SYN3: variants seen among roughly 807,000 people sequenced by gnomAD.
SYN3 encodes synapsin-3.
SYN3 carries 35 observed loss-of-function variants against 65.8 expected under a neutral mutation model. The ratio of observed to expected loss-of-function variants is 0.53; its 90% CI spans 0.41 to 0.70. SYN3 has a LOEUF of 0.70. Ranked by LOEUF, SYN3 falls within the 30% of genes least tolerant of loss-of-function variation. SYN3 has a pLI of 0.00. For missense variants in SYN3, 680 were observed against 749.0 expected (o/e 0.91, Z 1.08); for synonymous variants, 270 against 292.9 (o/e 0.92, Z 0.80).
At chr22:32,812,143 G>A (rs2046932546) in intron 6 of SYN3, among the ~76,000 whole-genome samples, 2 of 152,314 alleles carry the variant, frequency 1.3e-5, no homozygotes, top group Middle Eastern at 6.8e-3. Context: ...TCTATGTGGT[G>A]TGTATTTCAC....
chr22:33,031,809 C>G (rs542293850), intron 1 of SYN3, among the ~76,000 whole-genome samples: 7 of 152,232 alleles, frequency 4.6e-5, no homozygotes, highest in African/African-American at 1.7e-4. Context: ...CCAGAGAAAC[C>G]TGAAAAACTG....
At chr22:32,695,541 C>G (rs1426663718) in intron 6 of SYN3, among the ~76,000 whole-genome samples, 1 of 152,196 alleles carries the variant, frequency 6.6e-6, no homozygotes. Flanking sequence ...TTGAAGCATT[C>G]CCATGAGTAT....
rs561270348 is a variant in SYN3, at chr22:32,864,904, A to G, written c.711+11T>C. On this transcript the variant is annotated intron_variant, in intron 6 of 13. Transcript: ENST00000358763. Reference sequence around the variant, plus strand: ...ATCATGCAAAGAAACAGAGTAAAAAAGGGCACTCACCATTGGCTTATGGTT... The same window carrying G: ...ATCATGCAAAGAAACAGAGTAAAAAGGGGCACTCACCATTGGCTTATGGTT... 20 of 1,611,420 alleles carry G rather than the reference A, an allele frequency of 1.2e-5. No individual in the cohort carries two copies. The African/African-American group carries it at 2.4e-4, about 19-fold the overall frequency.
At chr22:32,872,722 CTG>C (rs1463787631) in intron 4 of SYN3, among the ~76,000 whole-genome samples, 2 of 152,154 alleles carry the variant, frequency 1.3e-5, no homozygotes, top group Non-Finnish European at 2.9e-5. Flanking sequence ...GTTCCTCCCT[CTG>C]TACCCAGCAC....
At chr22:32,963,170 G>C (rs201993341) in intron 3 of SYN3, among the ~76,000 whole-genome samples, 3 of 150,280 alleles carry the variant, frequency 2.0e-5, no homozygotes, top group Non-Finnish European at 4.4e-5. Context: ...TCTGCCTCTC[G>C]GGTTCAAGCC....
intron 4 of SYN3, among the ~76,000 whole-genome samples, chr22:32,916,639 G>A (rs2050193321): frequency 6.6e-6 from 1 of 152,314 alleles, no homozygotes; most frequent in East Asian, 1.9e-4. Context: ...AGTGGGGTCT[G>A]TAGACCCCTG....
In SYN3 at chr22:32,509,719, C is replaced by T. The variant is rs2057671132; in HGVS notation, c.*3973G>A. 6.6e-6 allele frequency among the ~76,000 whole-genome samples: 1 copy of T among 151,982 alleles called. No homozygotes were observed. The highest frequency in any genetic ancestry group is 1.5e-5 in the Non-Finnish European group (1 of 68,014). ...TAGTAGCTGGGACTACAGGCGCCCG[C>T]TACCACGCCCGGCTAATTTTTTATA... On this transcript the variant is annotated 3_prime_UTR_variant, in exon 14 of 14. Coordinates refer to ENST00000358763, the MANE Select transcript of SYN3 (RefSeq NM_003490.4).
intron 6 of SYN3, among the ~76,000 whole-genome samples, chr22:32,678,646 T>C (rs2060480880): frequency 6.6e-6 from 1 of 150,608 alleles, no homozygotes; most frequent in African/African-American, 2.5e-5. Context: ...TTTCTCCTTC[T>C]CCTTCTCCAT....
At chr22:32,737,495 G>A (rs1161290035) in intron 6 of SYN3, among the ~76,000 whole-genome samples, 1 of 151,716 alleles carries the variant, frequency 6.6e-6, no homozygotes, top group Non-Finnish European at 1.5e-5. Flanking sequence ...GCCCCGGTGG[G>A]TGATGTTCCC....
chr22:32,814,163 A>G (rs1157985684), intron 6 of SYN3, among the ~76,000 whole-genome samples: 5 of 124,426 alleles, frequency 4.0e-5, no homozygotes, highest in Non-Finnish European at 6.6e-5. Flanking sequence ...AGAGAGAGAG[A>G]GAGAAAGAGA....
At chr22:32,625,645 A>T (rs2059655578) in intron 6 of SYN3, among the ~76,000 whole-genome samples, 1 of 152,204 alleles carries the variant, frequency 6.6e-6, no homozygotes, top group African/African-American at 2.4e-5. Flanking sequence ...TCACAGGGAC[A>T]GTCATTGGTT....
intron 12 of SYN3, among the ~76,000 whole-genome samples, chr22:32,522,145 C>G (rs1435762398): frequency 6.6e-6 from 1 of 152,190 alleles, no homozygotes; most frequent in Non-Finnish European, 1.5e-5. Flanking sequence ...TTCACTTTTA[C>G]TGAGTTGAAA....
intron 6 of SYN3, among the ~76,000 whole-genome samples, chr22:32,644,972 G>A (rs1038764976): frequency 3.3e-5 from 5 of 152,118 alleles, no homozygotes; most frequent in Admixed American, 1.3e-4. Context: ...GAATGATGTC[G>A]TAGCAGGAAG....
Position 32,965,543 on chromosome 22 carries a change from C to CGTGT in SYN3, c.369+15098_369+15101dup, listed in dbSNP as rs10602672. Among the ~76,000 whole-genome samples, 1,098 of 147,330 alleles carry CGTGT rather than the reference C, an allele frequency of 7.5e-3. 5 individuals are homozygous for CGTGT. Among genetic ancestry groups the CGTGT allele is most frequent in the African/African-American group, 0.011 (429 of 39,682 alleles). On this transcript the variant is annotated intron_variant, in intron 3 of 13. Coordinates refer to ENST00000358763, the MANE Select transcript of SYN3 (RefSeq NM_003490.4). Reference sequence around the variant, plus strand: ...TAACAGTTTGTAATTATGGTGCGTACGTGTGTGTGTGTGTGTGTGTGTGTG... The same window carrying CGTGT: ...TAACAGTTTGTAATTATGGTGCGTACGTGTGTGTGTGTGTGTGTGTGTGTGTGTG...
chr22:32,678,567 TTCC>T (rs1392959459), intron 6 of SYN3, among the ~76,000 whole-genome samples: 2 of 151,234 alleles, frequency 1.3e-5, no homozygotes, highest in Non-Finnish European at 1.5e-5. Context: ...CTCCTCCTCC[TTCC>T]TCCTCCTCTC....
chr22:32,594,602 C>T (rs8136793), intron 7 of SYN3, among the ~76,000 whole-genome samples: 9,015 of 152,092 alleles, frequency 0.059, 302 homozygotes, highest in Non-Finnish European at 0.072. Flanking sequence ...ATTCTCCTGC[C>T]GCAGCTTTCC....
At chr22:32,750,321 T>C (rs1187260881) in intron 6 of SYN3, among the ~76,000 whole-genome samples, 1 of 152,162 alleles carries the variant, frequency 6.6e-6, no homozygotes, top group Non-Finnish European at 1.5e-5. Flanking sequence ...TGGGACGGAA[T>C]CATATGAACA....
chr22:32,692,514 G>A (rs1159659113), intron 6 of SYN3, among the ~76,000 whole-genome samples: 25 of 152,196 alleles, frequency 1.6e-4, no homozygotes, highest in East Asian at 1.3e-3. Flanking sequence ...AGCCTCCGAC[G>A]CAGGCCACCA....
At chr22:32,814,313 G>C (rs866280634) in intron 6 of SYN3, among the ~76,000 whole-genome samples, 1,175 of 39,538 alleles carry the variant, frequency 0.03, 13 homozygotes, top group African/African-American at 0.12. Flanking sequence ...GAGAGAGAGA[G>C]AGACAGAAAG....
Sources: gnomAD v4.1 joint callset for allele counts (sites outside exome capture counted in the v4.1 genomes callset) on GRCh38, gnomAD v4.1.1 for gene constraint, MANE v1.5 for transcripts, NCBI Gene and HGNC (gene_info 2026-07-23, HGNC 2026-07-21) for gene names.